Variants in GLB1 observed in about 807,000 individuals in gnomAD.
GLB1 encodes galactosidase beta 1, also known as beta-galactosidase.
GLB1 carries 56 observed loss-of-function variants against 74.0 expected under a neutral mutation model. That is an observed-to-expected ratio of 0.76 (90% CI 0.61 to 0.94). The LOEUF is 0.94. Among genes scored for constraint, GLB1 ranks in the 40% least tolerant of loss-of-function variants. GLB1 has a pLI of 0.00. For synonymous variants in GLB1, 323 were observed against 323.6 expected (o/e 1.00, Z 0.02); for missense variants, 787 against 845.5 (o/e 0.93, Z 0.86).
At chr3:32,977,109 G>T in the GLB1 span, among the ~76,000 whole-genome samples, 1 of 152,114 alleles carries the variant, frequency 6.6e-6, no homozygotes, top group Non-Finnish European at 1.5e-5. Context: ...ATTCAGTGGA[G>T]GCAGAGGCAG....
rs909941921 is a variant in GLB1, at chr3:33,041,616, C to T, written c.1068+4504G>A. ...GGCAGAGGTTGCAGTGAGCCAAGAT[C>T]TCACCACTGCACTCATTCTGGACAA... On this transcript the variant is annotated intron_variant, in intron 10 of 15. Coordinates refer to ENST00000307363, the MANE Select transcript of GLB1 (RefSeq NM_000404.4). Among the ~76,000 whole-genome samples, 5 of 148,658 alleles carry T rather than the reference C, an allele frequency of 3.4e-5. No homozygotes were observed. In the South Asian group the frequency reaches 8.5e-4, roughly 25 times the overall value.
At chr3:32,993,670 G>A (rs1319640788), downstream of GLB1, among the ~76,000 whole-genome samples, 10 of 151,752 alleles carry the variant, frequency 6.6e-5, no homozygotes, top group Admixed American at 6.6e-4. Flanking sequence ...GAGTAGCTGG[G>A]ATTACAGGTG....
chr3:32,973,487 G>T, the GLB1 span, among the ~76,000 whole-genome samples: 1 of 152,036 alleles, frequency 6.6e-6, no homozygotes, highest in Non-Finnish European at 1.5e-5. Context: ...GTGCATGCTT[G>T]CATGCTACCA....
At chr3:32,979,120 G>A in the GLB1 span, among the ~76,000 whole-genome samples, 1 of 151,938 alleles carries the variant, frequency 6.6e-6, no homozygotes, top group East Asian at 1.9e-4. Context: ...GGGATTACAG[G>A]CATGTGCCAC....
intron 10 of GLB1, among the ~76,000 whole-genome samples, chr3:33,042,349 T>A (rs963290055): frequency 2.1e-5 from 3 of 141,736 alleles, no homozygotes; most frequent in African/African-American, 2.6e-5. Flanking sequence ...CCCATCTATA[T>A]CCCTGACCCC....
chr3:33,050,484 G>C (rs1308673601), intron 9 of GLB1, among the ~76,000 whole-genome samples: 1 of 152,234 alleles, frequency 6.6e-6, no homozygotes, highest in Non-Finnish European at 1.5e-5. Flanking sequence ...ACTAGTACGT[G>C]CAACAACGTG....
chr3:33,087,921 G>A (rs1405744884), intron 1 of GLB1, among the ~76,000 whole-genome samples: 1 of 151,858 alleles, frequency 6.6e-6, no homozygotes, highest in Non-Finnish European at 1.5e-5. Context: ...TGATCAAGTG[G>A]GATTTATTCC....
rs75639377 is a variant in GLB1, at chr3:33,053,629, C to T, written c.734-80G>A. ...AATAACAAGAGCCCTTCATGGGACT[C>T]GGGCCTGAAGCCCTGCTACGGTCAG... On this transcript the variant is annotated intron_variant, in intron 6 of 15. Transcript: ENST00000307363. 57,770 of 1,584,692 alleles carry T rather than the reference C, an allele frequency of 0.036. 1,452 individuals carry two copies. The highest frequency in any genetic ancestry group is 0.11 in the African/African-American group (7,972 of 74,532).
At chr3:32,981,710 T>C in the GLB1 span, among the ~76,000 whole-genome samples, 138,482 of 151,464 alleles carry the variant, frequency 0.91, 63,987 homozygotes, top group Non-Finnish European at 0.98. Flanking sequence ...GAAGTGGAGG[T>C]TGCAGTGAGC....
rs577403228 is a variant in GLB1, at chr3:33,001,037, C to T, written c.1735-3693G>A. On this transcript the variant is annotated intron_variant, in intron 15 of 15. Transcript: ENST00000307363. The stretch of plus-strand genomic sequence containing the variant: ...TTTCAAACCTCCTTCCTGTGGTCCA[C>T]AGCCCATACCTTCCTCCTTTCCTCC... Among the ~76,000 whole-genome samples, 31 of 152,270 alleles carry T rather than the reference C, an allele frequency of 2.0e-4. No individual in the cohort carries two copies. In the South Asian group the frequency reaches 3.5e-3, roughly 17 times the overall value.
At chr3:32,992,908 T>C (rs530759315), downstream of GLB1, among the ~76,000 whole-genome samples, 49 of 152,330 alleles carry the variant, frequency 3.2e-4, no homozygotes, top group African/African-American at 4.8e-5. Context: ...TGGGGAAGTA[T>C]TGCTCAGTCA....
downstream of GLB1, among the ~76,000 whole-genome samples, chr3:32,993,318 G>C (rs1696257083): frequency 6.6e-6 from 1 of 152,072 alleles, no homozygotes; most frequent in Non-Finnish European, 1.5e-5. Flanking sequence ...GAAGGGAAGA[G>C]AGAGGACAGG....
At chr3:33,053,594 CAAG>C in intron 6 of GLB1, 45 bp from the exon 7 acceptor site, 1 of 1,613,284 alleles carries the variant, frequency 6.2e-7, no homozygotes, top group African/African-American at 1.3e-5. Context: ...GTGGAAATGA[CAAG>C]AAGTTAAATA....
Position 33,014,311 on chromosome 3 carries a change from C to T in GLB1, c.1480-1G>A. On this transcript the variant is annotated splice_acceptor_variant, in intron 14 of 15. Coordinates refer to ENST00000307363, the MANE Select transcript of GLB1 (RefSeq NM_000404.4). LOFTEE classifies it high-confidence loss of function. Reference sequence around the variant, plus strand: ...TGAGAGTCAGGTTAGAAACCAAACCCTGCAAAGCAGAAACAGAGCACAGTG... The same window carrying T: ...TGAGAGTCAGGTTAGAAACCAAACCTTGCAAAGCAGAAACAGAGCACAGTG... The T allele has an allele frequency of 6.2e-7, 1 of 1,613,714 alleles. No homozygotes were observed. The highest frequency in any genetic ancestry group is 1.1e-5 in the South Asian group (1 of 90,966).
chr3:33,074,088 C>T (rs542946984), intron 1 of GLB1, among the ~76,000 whole-genome samples: 1 of 150,680 alleles, frequency 6.6e-6, no homozygotes, highest in African/African-American at 2.4e-5. Flanking sequence ...GCCTGTAATC[C>T]CTGCACTTTG....
the GLB1 span, among the ~76,000 whole-genome samples, chr3:32,978,765 C>CTT: frequency 0.66 from 83,302 of 125,632 alleles, 30,512 homozygotes; most frequent in Non-Finnish European, 0.81. Flanking sequence ...TTCTTTCTTT[C>CTT]TTTTTTTTTT....
In GLB1 at chr3:33,015,941, G is replaced by T. The variant is rs577317767; in HGVS notation, c.1479+768C>A. ...TCTTGACACCTTTGCATTCCCCAAA[G>T]CACCTGGTGGGGCATCTCGCGGAGT... On this transcript the variant is annotated intron_variant, in intron 14 of 15. Coordinates refer to ENST00000307363, the MANE Select transcript of GLB1 (RefSeq NM_000404.4). Among the ~76,000 whole-genome samples the T allele has an allele frequency of 2.6e-5, 4 of 152,316 alleles. No individual in the cohort carries two copies. In the South Asian group the frequency reaches 8.3e-4, roughly 32 times the overall value.
chr3:33,030,880 T>C, intron 10 of GLB1: 1 of 933,442 alleles, frequency 1.1e-6, no homozygotes, highest in Admixed American at 6.2e-5. Context: ...AAAAATAAAC[T>C]CACCACTGCC....
intron 10 of GLB1, among the ~76,000 whole-genome samples, chr3:33,032,253 T>G (rs149587099): frequency 1.3e-5 from 2 of 152,346 alleles, no homozygotes; most frequent in East Asian, 3.9e-4. Context: ...GGCTTCCATT[T>G]GCACTGATCG....
Sources: gnomAD v4.1 joint callset for allele counts (sites outside exome capture counted in the v4.1 genomes callset) on GRCh38, gnomAD v4.1.1 for gene constraint, MANE v1.5 for transcripts, NCBI Gene and HGNC (gene_info 2026-07-23, HGNC 2026-07-21) for gene names.